ATP13A4: variants seen among roughly 807,000 people sequenced by gnomAD.
ATP13A4 encodes the protein probable cation-transporting ATPase 13A4.
ATP13A4 carries 114 observed loss-of-function variants against 142.5 expected under a neutral mutation model. The observed-to-expected ratio is 0.80, with a 90% CI of 0.69 to 0.93. ATP13A4 has a LOEUF of 0.93. ATP13A4 is among the 40% of genes least tolerant of loss of function. The pLI is 0.00. For synonymous variants in ATP13A4, 488 were observed against 514.8 expected (o/e 0.95, Z 0.70); for missense variants, 1,392 against 1,454.0 (o/e 0.96, Z 0.69).
At chr3:193,477,431 G>A (rs1246072589) in intron 8 of ATP13A4, among the ~76,000 whole-genome samples, 1 of 151,946 alleles carries the variant, frequency 6.6e-6, no homozygotes, top group African/African-American at 2.4e-5. Flanking sequence ...AGTTGTATAT[G>A]TTCAAAGTGT....
chr3:193,418,085 G>A (rs1293496324), intron 25 of ATP13A4, among the ~76,000 whole-genome samples: 1 of 108,010 alleles, frequency 9.3e-6, no homozygotes, highest in Non-Finnish European at 1.7e-5. Flanking sequence ...TCCCGCCACT[G>A]CACTCCAGCC....
At chr3:193,404,386 G>A (rs548143545) in intron 29 of ATP13A4, among the ~76,000 whole-genome samples, 1 of 152,282 alleles carries the variant, frequency 6.6e-6, no homozygotes, top group Admixed American at 6.5e-5. Flanking sequence ...AAACTACAGA[G>A]AGGTGATCTG....
chr3:193,540,721 G>A (rs1722849222), intron 1 of ATP13A4, among the ~76,000 whole-genome samples: 1 of 149,512 alleles, frequency 6.7e-6, no homozygotes, highest in African/African-American at 2.5e-5. Flanking sequence ...TTTAATATGA[G>A]GGAAATATAC....
At chr3:193,474,929 A>G (rs1718878720) in intron 8 of ATP13A4, among the ~76,000 whole-genome samples, 1 of 152,054 alleles carries the variant, frequency 6.6e-6, no homozygotes, top group African/African-American at 2.4e-5. Flanking sequence ...TAAAAAAGAG[A>G]GTGAGACATA....
At chr3:193,534,146 A>G (rs1722473042) in intron 1 of ATP13A4, among the ~76,000 whole-genome samples, 1 of 152,190 alleles carries the variant, frequency 6.6e-6, no homozygotes, top group African/African-American at 2.4e-5. Flanking sequence ...ACCCCTTGCC[A>G]TCTTCAAATA....
chr3:193,495,115 G>C (rs1720152502), intron 3 of ATP13A4, among the ~76,000 whole-genome samples: 1 of 151,980 alleles, frequency 6.6e-6, no homozygotes, highest in African/African-American at 2.4e-5. Flanking sequence ...AAAAAGTCTT[G>C]CATCAAAGAA....
chr3:193,483,447 T>A lies in ATP13A4; in HGVS notation c.808+489A>T, dbSNP rs1156871167. Among the ~76,000 whole-genome samples the A allele has an allele frequency of 2.0e-5, 3 of 152,076 alleles. No homozygotes were observed. In the South Asian group the frequency reaches 6.2e-4, roughly 32 times the overall value. On this transcript the variant is annotated intron_variant, in intron 8 of 29. Transcript: ENST00000342695. The stretch of plus-strand genomic sequence containing the variant: ...TGTTAATTCCACCCCAATAAAGTAG[T>A]TTTTTTGTTTGTTTGTTTTGTTTTG...
intron 1 of ATP13A4, among the ~76,000 whole-genome samples, chr3:193,521,040 C>A (rs1721686960): frequency 6.6e-6 from 1 of 152,146 alleles, no homozygotes; most frequent in Admixed American, 6.5e-5. Flanking sequence ...GCTCAAGAAC[C>A]AAGGCAACGA....
In ATP13A4 at chr3:193,412,322, T is replaced by C; in HGVS notation, c.3064A>G (p.Thr1022Ala). 6.2e-7 allele frequency: 1 copy of C among 1,614,116 alleles called. No individual in the cohort carries two copies. The highest frequency in any genetic ancestry group is 8.5e-7 in the Non-Finnish European group (1 of 1,180,008). Residue 1022 changes from threonine to alanine, a missense_variant, in exon 27 of 30, where the codon ACT becomes GCT. Transcript: ENST00000342695. ...TTACTTTCCATTTTTTCTGGAGCAG[T>C]TGGAGACATGGTTAACTCTGAGATG... is the stretch of plus-strand genomic sequence containing the variant. Reference protein sequence around the residue: ...ESISELTMSPTAPEKMESNST... With the variant: ...ESISELTMSPAAPEKMESNST...
chr3:193,439,622 C>T (rs1031377599), intron 21 of ATP13A4, among the ~76,000 whole-genome samples: 3 of 152,102 alleles, frequency 2.0e-5, no homozygotes, highest in African/African-American at 7.2e-5. Flanking sequence ...AATGCCAGGC[C>T]TAGAAGTTGA....
rs7647890 is a variant in ATP13A4 at position 193,459,541 on chromosome 3, G to A, written c.1524-310C>T. On this transcript the variant is annotated intron_variant, in intron 13 of 29. Coordinates refer to ENST00000342695, the MANE Select transcript of ATP13A4 (RefSeq NM_032279.4). ...CAACCTCTGCCTCCCAGGTTCTAGC[G>A]ATTCTCCTGCCTCAGCCTCCTGAAT... 7.1e-3 allele frequency among the ~76,000 whole-genome samples: 1,087 copies of A among 152,188 alleles called. 17 individuals are homozygous for A. The highest frequency in any genetic ancestry group is 0.025 in the African/African-American group (1,054 of 41,518).
intron 25 of ATP13A4, among the ~76,000 whole-genome samples, chr3:193,415,834 G>T (rs1320503019): frequency 1.3e-5 from 2 of 152,218 alleles, no homozygotes; most frequent in African/African-American, 4.8e-5. Flanking sequence ...AGGAATTAGG[G>T]CAGTCTAAAG....
intron 1 of ATP13A4, among the ~76,000 whole-genome samples, chr3:193,522,469 G>A (rs552752752): frequency 1.2e-4 from 18 of 152,286 alleles, no homozygotes; most frequent in African/African-American, 2.9e-4. Flanking sequence ...GGAAGGTAAC[G>A]TTTGGGGAGG....
chr3:193,503,073 A>C (rs1218341523), intron 2 of ATP13A4, among the ~76,000 whole-genome samples: 1 of 152,104 alleles, frequency 6.6e-6, no homozygotes, highest in East Asian at 1.9e-4. Context: ...ACTCCAAAAA[A>C]ATGTTAAGTG....
intron 25 of ATP13A4, among the ~76,000 whole-genome samples, chr3:193,417,502 C>T (rs1037637082): frequency 6.6e-6 from 1 of 152,218 alleles, no homozygotes; most frequent in African/African-American, 2.4e-5. Context: ...TCAAACTACA[C>T]TGTTATAAAT....
chr3:193,477,423 T>C (rs913134976), intron 8 of ATP13A4, among the ~76,000 whole-genome samples: 7 of 152,044 alleles, frequency 4.6e-5, no homozygotes, highest in African/African-American at 1.7e-4. Flanking sequence ...CTCTCTACAG[T>C]TGTATATGTT....
intron 6 of ATP13A4, among the ~76,000 whole-genome samples, chr3:193,490,355 C>T (rs764580424): frequency 2.2e-4 from 34 of 152,274 alleles, no homozygotes; most frequent in Non-Finnish European, 4.0e-4. Context: ...AGTATTAGTT[C>T]AGGTTTATAA....
intron 3 of ATP13A4, among the ~76,000 whole-genome samples, chr3:193,494,941 T>G (rs1413227832): frequency 6.6e-6 from 1 of 151,910 alleles, no homozygotes; most frequent in Non-Finnish European, 1.5e-5. Context: ...ACAAAGGAAT[T>G]GAAAAAGACC....
At chr3:193,542,065 A>T (rs1722961075) in intron 1 of ATP13A4, among the ~76,000 whole-genome samples, 1 of 152,190 alleles carries the variant, frequency 6.6e-6, no homozygotes, top group Non-Finnish European at 1.5e-5. Flanking sequence ...ATGATCCTAT[A>T]TCTAGAAAAC....
Sources: allele counts gnomAD v4.1 joint callset (sites outside exome capture counted in the v4.1 genomes callset), GRCh38; gene constraint gnomAD v4.1.1; transcripts MANE v1.5; gene names NCBI Gene and HGNC (gene_info 2026-07-23, HGNC 2026-07-21).